Variants in MICAL3 observed in about 807,000 individuals in gnomAD.
The protein encoded by MICAL3 is [F-actin]-monooxygenase MICAL3.
Under a neutral mutation model 207.4 loss-of-function variants are expected in MICAL3, and 62 were observed. That is an observed-to-expected ratio of 0.30 (90% CI 0.24 to 0.37). The LOEUF (loss-of-function observed/expected upper bound fraction) is 0.37. MICAL3 is among the 10% of genes least tolerant of loss of function. The pLI, the probability that MICAL3 is intolerant of heterozygous loss-of-function variation, is 1.00. For missense variants in MICAL3, 2,368 were observed against 2,635.6 expected (o/e 0.90, Z 2.22); for synonymous variants, 1,077 against 1,069.3 (o/e 1.01, Z -0.14).
At chr22:18,012,507 T>C (rs1307691864) in intron 1 of MICAL3, among the ~76,000 whole-genome samples, 1 of 152,154 alleles carries the variant, frequency 6.6e-6, no homozygotes, top group Non-Finnish European at 1.5e-5. Flanking sequence ...AGTTCCATCA[T>C]CTAATTGGGC....
At chr22:17,959,501 G>A (rs1934797146) in intron 1 of MICAL3, among the ~76,000 whole-genome samples, 2 of 152,030 alleles carry the variant, frequency 1.3e-5, no homozygotes, top group South Asian at 4.1e-4. Context: ...TTTTAGTAGA[G>A]ACACGGTTTC....
chr22:17,958,952 C>T (rs1400591825), intron 1 of MICAL3, among the ~76,000 whole-genome samples: 6 of 150,530 alleles, frequency 4.0e-5, no homozygotes, highest in Admixed American at 6.6e-5. Context: ...GTGATCTGCT[C>T]GCCTCGGCCT....
chr22:17,861,266 C>T lies in MICAL3; in HGVS notation c.2605+3633G>A, dbSNP rs1926489261. 7.1e-6 allele frequency: 7 copies of T among 985,298 alleles called. No homozygotes were observed. The Admixed American group carries it at 2.5e-4, about 35-fold the overall frequency. The allele number at this position is 985,298 out of a possible 1,614,324, so 61.0% of individuals were successfully genotyped here. Reference sequence around the variant, plus strand: ...CATTTCCTAAAGGCCCATTCAGGATCCGAACTATGGAACCTCATGGTTATC... The same window carrying T: ...CATTTCCTAAAGGCCCATTCAGGATTCGAACTATGGAACCTCATGGTTATC... On this transcript the variant is annotated intron_variant, in intron 19 of 31. Transcript: ENST00000441493.
chr22:17,877,084 A>G (rs1928650583), intron 16 of MICAL3, among the ~76,000 whole-genome samples: 1 of 145,402 alleles, frequency 6.9e-6, no homozygotes, highest in African/African-American at 2.6e-5. Flanking sequence ...GAAGTTATGG[A>G]GGTTATGGAG....
At chr22:17,868,844 G>C (rs1185146165) in intron 17 of MICAL3, among the ~76,000 whole-genome samples, 1 of 151,834 alleles carries the variant, frequency 6.6e-6, no homozygotes, top group African/African-American at 2.4e-5. Context: ...CAAGCAGACA[G>C]ACTGGTTCTC....
chr22:17,971,822 G>A (rs447955), intron 1 of MICAL3, among the ~76,000 whole-genome samples: 35,908 of 152,264 alleles, frequency 0.24, 4,833 homozygotes, highest in East Asian at 0.51. Context: ...AGCCCGACCC[G>A]GGAGGGAGGA....
At chr22:17,850,062 G>A (rs1024371163) in intron 19 of MICAL3, among the ~76,000 whole-genome samples, 2 of 152,066 alleles carry the variant, frequency 1.3e-5, no homozygotes, top group Non-Finnish European at 2.9e-5. Flanking sequence ...CTTGTATGTC[G>A]GGGCACTGAG....
chr22:17,831,686 C>T lies in MICAL3; in HGVS notation c.3055+168G>A, dbSNP rs545190351. On this transcript the variant is annotated intron_variant, in intron 21 of 31. Coordinates refer to ENST00000441493, the MANE Select transcript of MICAL3 (RefSeq NM_015241.3). The stretch of plus-strand genomic sequence containing the variant: ...ACTGCCAACCGCCTGCTCAACGCTA[C>T]GGTGTCCTCCCCTCTGCCCCCCATG... 3.9e-5 allele frequency among the ~76,000 whole-genome samples: 6 copies of T among 152,300 alleles called. No individual in the cohort carries two copies. In the East Asian group the frequency reaches 5.8e-4, roughly 15 times the overall value.
At chr22:17,859,377 C>T (rs1410636311) in intron 19 of MICAL3, among the ~76,000 whole-genome samples, 1 of 152,236 alleles carries the variant, frequency 6.6e-6, no homozygotes, top group Non-Finnish European at 1.5e-5. Context: ...GGGCTGAGTG[C>T]TTTGCCCACT....
intron 1 of MICAL3, among the ~76,000 whole-genome samples, chr22:17,972,986 C>T (rs897267514): frequency 6.6e-6 from 1 of 152,230 alleles, no homozygotes; most frequent in Non-Finnish European, 1.5e-5. Flanking sequence ...CTTGCCCAGC[C>T]GGGCCCACGT....
At position 17,863,362 on chromosome 22, in the gene MICAL3, T is replaced by G. The variant is rs1926717544; in HGVS notation, c.2605+1537A>C. 4 of 985,222 alleles carry G rather than the reference T, an allele frequency of 4.1e-6. No individual in the cohort carries two copies. The South Asian group carries it at 1.9e-4, about 46-fold the overall frequency. The allele number at this position is 985,222 out of a possible 1,614,324, so 61.0% of individuals were successfully genotyped here. A position where few individuals can be genotyped will look rare whatever the true frequency, so the allele number is the denominator to read the frequency against. On this transcript the variant is annotated intron_variant, in intron 19 of 31. Coordinates refer to ENST00000441493, the MANE Select transcript of MICAL3 (RefSeq NM_015241.3). Reference sequence around the variant, plus strand: ...AATAGGGCCCAGACTAATAAGGTGGTGCTCTCTCCAACTGAATGTACATTC... The same window carrying G: ...AATAGGGCCCAGACTAATAAGGTGGGGCTCTCTCCAACTGAATGTACATTC...
At chr22:17,849,679 TGTGTGTGTA>T (rs1425961294) in intron 19 of MICAL3, among the ~76,000 whole-genome samples, 5 of 133,738 alleles carry the variant, frequency 3.7e-5, no homozygotes, top group South Asian at 5.4e-4. Flanking sequence ...TGTGTGTGTG[TGTGTGTGTA>T]TTTTTTTTTT....
At chr22:18,003,057 G>A (rs554683942) in intron 1 of MICAL3, among the ~76,000 whole-genome samples, 1 of 152,004 alleles carries the variant, frequency 6.6e-6, no homozygotes, top group East Asian at 1.9e-4. Flanking sequence ...CTACTCAGGA[G>A]GCTGAGGCAG....
chr22:17,989,142 G>A (rs993231574), intron 1 of MICAL3, among the ~76,000 whole-genome samples: 5 of 152,090 alleles, frequency 3.3e-5, no homozygotes, highest in African/African-American at 1.2e-4. Flanking sequence ...AGCCCACACT[G>A]TACCCTGACA....
In MICAL3 at chr22:17,980,870, C is replaced by G. The variant is rs553067993; in HGVS notation, c.-75+43411G>C. Reference sequence around the variant, plus strand: ...CACCCTCAGTTCCTGCTCAACTGCACCCTCACTTCCGACTAAGTGCCAGGT... The same window carrying G: ...CACCCTCAGTTCCTGCTCAACTGCAGCCTCACTTCCGACTAAGTGCCAGGT... On this transcript the variant is annotated intron_variant, in intron 1 of 31. Coordinates refer to ENST00000441493, the MANE Select transcript of MICAL3 (RefSeq NM_015241.3). 332 of 530,064 alleles carry G rather than the reference C, an allele frequency of 6.3e-4. 3 individuals carry two copies. Among genetic ancestry groups the G allele is most frequent in the South Asian group, 4.4e-3 (314 of 71,474 alleles). The allele number at this position is 530,064 out of a possible 1,614,324, so 32.8% of individuals were successfully genotyped here. A position where few individuals can be genotyped will look rare whatever the true frequency, so the allele number is the denominator to read the frequency against.
In MICAL3 at chr22:17,893,720, C is replaced by A. The variant is rs929814545; in HGVS notation, c.1546+88G>T. The A allele has an allele frequency of 4.0e-6, 4 of 1,003,806 alleles. No individual in the cohort carries two copies. In the African/African-American group the frequency reaches 4.8e-5, roughly 12 times the overall value. The allele number at this position is 1,003,806 out of a possible 1,614,324, so 62.2% of individuals were successfully genotyped here. On this transcript the variant is annotated intron_variant, in intron 11 of 31. Coordinates refer to ENST00000441493, the MANE Select transcript of MICAL3 (RefSeq NM_015241.3). The stretch of plus-strand genomic sequence containing the variant: ...TCTCAGACAGTACTTCGGCCACTGC[C>A]TCGGACCGCACCTTGTGGCTCAGGG...
chr22:17,944,286 G>C (rs1164411187), intron 1 of MICAL3, among the ~76,000 whole-genome samples: 2 of 152,174 alleles, frequency 1.3e-5, no homozygotes, highest in Non-Finnish European at 2.9e-5. Flanking sequence ...TTTCCTCCCA[G>C]AAAACACTGG....
chr22:17,914,044 G>A (rs972871464), intron 1 of MICAL3, among the ~76,000 whole-genome samples: 1 of 152,194 alleles, frequency 6.6e-6, no homozygotes, highest in Non-Finnish European at 1.5e-5. Context: ...ATCAGTGCCA[G>A]GAACAGAGCA....
At chr22:17,874,107 C>A (rs184464300) in intron 16 of MICAL3, among the ~76,000 whole-genome samples, 3 of 152,212 alleles carry the variant, frequency 2.0e-5, no homozygotes, top group Non-Finnish European at 4.4e-5. Flanking sequence ...GATGCACACA[C>A]GACGAAGCCG....
Sources: gnomAD v4.1 joint callset for allele counts (sites outside exome capture counted in the v4.1 genomes callset) on GRCh38, gnomAD v4.1.1 for gene constraint, MANE v1.5 for transcripts, NCBI Gene and HGNC (gene_info 2026-07-23, HGNC 2026-07-21) for gene names.